Variants in SVEP1 observed in about 807,000 individuals in gnomAD.
The protein encoded by SVEP1 is sushi, von Willebrand factor type A, EGF and pentraxin domain containing 1, also known as sushi, von Willebrand factor type A, EGF and pentraxin domain-containing protein 1.
Under a neutral mutation model 367.3 loss-of-function variants are expected in SVEP1, and 164 were observed. The ratio of observed to expected loss-of-function variants is 0.45; its 90% confidence interval spans 0.39 to 0.51. The LOEUF (loss-of-function observed/expected upper bound fraction) is 0.51, where lower values mean the gene tolerates loss of function less well. SVEP1 is among the 20% of genes least tolerant of loss of function. The pLI, the probability that SVEP1 is intolerant of heterozygous loss-of-function variation, is 0.00. For synonymous variants in SVEP1, 1,666 were observed against 1,611.6 expected (o/e 1.03, Z -0.81); for missense variants, 4,117 against 4,425.3 (o/e 0.93, Z 1.98).
Position 110,430,408 on chromosome 9 carries a change from T to C in SVEP1, c.5396A>G (p.His1799Arg). 6.2e-7 allele frequency: 1 copy of C among 1,612,802 alleles called. No homozygotes were observed. Among genetic ancestry groups the C allele is most frequent in the Non-Finnish European group, 8.5e-7 (1 of 1,179,500 alleles). ...TACTGTATAAATCTCACCTGAGGAG[T>C]GGCCATTTTCCGGATTTCCTGGAGC... ...CKAPGNPENGHSSGEIYTVGA... is the reference protein window; with the variant it reads ...CKAPGNPENGRSSGEIYTVGA... The change falls in exon 33 of 48, where the codon CAC becomes CGC. Residue 1799 changes from histidine to arginine, a missense_variant. Physicochemically the swap from His to Arg is conservative, Grantham distance 29. Transcript: ENST00000374469.
rs140758088 is a variant in SVEP1 at position 110,485,394 on chromosome 9, GA to G, written c.1931-1702del. On this transcript the variant is annotated intron_variant, in intron 9 of 47. Coordinates refer to ENST00000374469, the MANE Select transcript of SVEP1 (RefSeq NM_153366.4). ...GGGAGTTGAACAATGAGAACACATGGAAACAGGGAGGGGAACAACACACACT... is the reference window on the plus strand; with the variant it reads ...GGGAGTTGAACAATGAGAACACATGGAACAGGGAGGGGAACAACACACACT... Among the ~76,000 whole-genome samples, 1,030 of 152,262 alleles carry G rather than the reference GA, an allele frequency of 6.8e-3. 11 individuals carry two copies. Among genetic ancestry groups the G allele is most frequent in the African/African-American group, 0.024 (978 of 41,542 alleles).
intron 1 of SVEP1, among the ~76,000 whole-genome samples, chr9:110,566,665 G>A (rs1056139691): frequency 1.3e-5 from 2 of 152,156 alleles, no homozygotes; most frequent in African/African-American, 4.8e-5. Flanking sequence ...AACTCCACCT[G>A]AGCCAAAAAG....
chr9:110,474,581 ACT>A (rs1395086164), intron 14 of SVEP1, among the ~76,000 whole-genome samples: 2 of 151,838 alleles, frequency 1.3e-5, no homozygotes, highest in Non-Finnish European at 2.9e-5. Flanking sequence ...ATGACAACTG[ACT>A]CTCTCTAGGT....
At chr9:110,560,716 T>G (rs1300502636) in intron 1 of SVEP1, among the ~76,000 whole-genome samples, 2 of 152,198 alleles carry the variant, frequency 1.3e-5, no homozygotes, top group Non-Finnish European at 2.9e-5. Context: ...CTTTCAAGTC[T>G]GAAATCTGGG....
chr9:110,518,983 C>T (rs1226144491), intron 3 of SVEP1, among the ~76,000 whole-genome samples: 1 of 152,160 alleles, frequency 6.6e-6, no homozygotes, highest in Non-Finnish European at 1.5e-5. Flanking sequence ...ACCTTCCCAC[C>T]TCTGCAGCTG....
intron 3 of SVEP1, among the ~76,000 whole-genome samples, chr9:110,531,727 G>A (rs562636917): frequency 6.6e-6 from 1 of 152,250 alleles, no homozygotes; most frequent in Admixed American, 6.5e-5. Context: ...TAATGGATTT[G>A]TTAAATAGCT....
Position 110,445,902 on chromosome 9 carries a change from T to G in SVEP1, c.4398A>C (p.Gly1466=), listed in dbSNP as rs950261929. ...WMKSSDDMNY[G]TPISYAVDNG... ...TATCAACTGCATAGGAGATTGGTGT[T>G]CCATAGTTCATGTCGTCAGAGGATT... is the stretch of plus-strand genomic sequence containing the variant. The change falls in exon 26 of 48, where the codon GGA becomes GGC. Residue 1466 remains glycine (G), a synonymous_variant. Transcript: ENST00000374469. 1 of 1,613,842 alleles carries G rather than the reference T, an allele frequency of 6.2e-7. No individual in the cohort carries two copies. The highest frequency in any genetic ancestry group is 1.3e-5 in the African/African-American group (1 of 74,922).
intron 27 of SVEP1, among the ~76,000 whole-genome samples, chr9:110,436,713 T>A (rs928096448): frequency 6.6e-6 from 1 of 152,212 alleles, no homozygotes; most frequent in African/African-American, 2.4e-5. Flanking sequence ...GGATTTAGAA[T>A]GTTGATTTAT....
At chr9:110,558,855 C>T (rs74556262) in intron 1 of SVEP1, among the ~76,000 whole-genome samples, 10,819 of 151,914 alleles carry the variant, frequency 0.071, 452 homozygotes, top group Non-Finnish European at 0.099. Context: ...TTAAAAGAAA[C>T]TTTCTCGTTT....
chr9:110,386,059 A>AC lies in SVEP1; in HGVS notation c.10075dup (p.Val3359GlyfsTer13). The AC allele has an allele frequency of 6.2e-7, 1 of 1,613,268 alleles. No homozygotes were observed. The stretch of plus-strand genomic sequence containing the variant: ...AGCATTCTCGGGAATCACAAAAGGA[A>AC]CAGGGCATGGATTTGCTGTCAAAAA... On this transcript the variant is annotated frameshift_variant, in exon 43 of 48. Transcript: ENST00000374469. LOFTEE classifies it high-confidence loss of function.
At chr9:110,568,592 CAAGA>C (rs1830518359) in intron 1 of SVEP1, among the ~76,000 whole-genome samples, 2 of 151,444 alleles carry the variant, frequency 1.3e-5, no homozygotes, top group Non-Finnish European at 2.9e-5. Flanking sequence ...CTCGAATGCA[CAAGA>C]AAGAAGGGAA....
chr9:110,514,606 T>C (rs1242662262), intron 3 of SVEP1, among the ~76,000 whole-genome samples: 1 of 152,108 alleles, frequency 6.6e-6, no homozygotes, highest in Non-Finnish European at 1.5e-5. Context: ...AAGAATGATG[T>C]AATTTGTTAT....
chr9:110,408,946 T>A lies in SVEP1; in HGVS notation c.6654A>T (p.Thr2218=). The part of the protein sequence containing the change: ...PKVENGFLEH[T]TGRIFESEVR... Reference sequence around the variant, plus strand: ...CTTCACTCTCAAAGATCCTGCCAGTTGTATGCTGTGCAACAGGAAGAAAGC... The same window carrying A: ...CTTCACTCTCAAAGATCCTGCCAGTAGTATGCTGTGCAACAGGAAGAAAGC... Residue 2218 remains threonine (T), a synonymous_variant, in exon 38 of 48, where the codon ACA becomes ACT. Transcript: ENST00000374469. 1 of 1,572,016 alleles carries A rather than the reference T, an allele frequency of 6.4e-7. No individual in the cohort carries two copies. The highest frequency in any genetic ancestry group is 8.6e-7 in the Non-Finnish European group (1 of 1,160,064).
chr9:110,465,011 G>A lies in SVEP1; in HGVS notation c.3322+854C>T, dbSNP rs779741920. ...CTGGAAAACATCCCTCAGTAGGGAT[G>A]TTAGTCAGAAATACTTAAAAATTGG... On this transcript the variant is annotated intron_variant, in intron 18 of 47. Transcript: ENST00000374469. 2.0e-5 allele frequency among the ~76,000 whole-genome samples: 3 copies of A among 152,078 alleles called. No homozygotes were observed. The South Asian group carries it at 6.2e-4, about 31-fold the overall frequency.
chr9:110,386,137 A>T, intron 42 of SVEP1, 63 bp from the exon 43 acceptor site: 1 of 1,549,808 alleles, frequency 6.5e-7, no homozygotes, highest in Non-Finnish European at 8.7e-7. Context: ...TATTTCTTTG[A>T]AGGTGGAGTA....
In SVEP1 at chr9:110,447,058, C is replaced by A; in HGVS notation, c.4104-1G>T. 1 of 1,479,464 alleles carries A rather than the reference C, an allele frequency of 6.8e-7. No homozygotes were observed. The highest frequency in any genetic ancestry group is 9.0e-7 in the Non-Finnish European group (1 of 1,116,660). The allele number at this position is 1,479,464 out of a possible 1,614,324, so 91.6% of individuals were successfully genotyped here. On this transcript the variant is annotated splice_acceptor_variant, in intron 24 of 47. Coordinates refer to ENST00000374469, the MANE Select transcript of SVEP1 (RefSeq NM_153366.4). LOFTEE classifies it high-confidence loss of function. ...TGTGAAGCCAGCTGCACACAGGCAT[C>A]TGAAAGAAAACAAAATGTTGTAACA...
Position 110,430,422 on chromosome 9 carries a change from A to G in SVEP1, c.5382T>C (p.Asn1794=). The change falls in exon 33 of 48, where the codon AAT becomes AAC. Residue 1794 remains asparagine, a synonymous_variant. Coordinates refer to ENST00000374469, the MANE Select transcript of SVEP1 (RefSeq NM_153366.4). ...CACCTGAGGAGTGGCCATTTTCCGG[A>G]TTTCCTGGAGCCTTACATTTTATAG... The part of the protein sequence containing the change: ...AEPIKCKAPG[N]PENGHSSGEI... The G allele has an allele frequency of 6.2e-7, 1 of 1,612,606 alleles. No individual in the cohort carries two copies.
In SVEP1 at chr9:110,406,217, A is replaced by T; in HGVS notation, c.9383T>A (p.Val3128Asp). 1 of 1,610,048 alleles carries T rather than the reference A, an allele frequency of 6.2e-7. No individual in the cohort carries two copies. The highest frequency in any genetic ancestry group is 8.5e-7 in the Non-Finnish European group (1 of 1,177,666). ...CTCTCCAGTTGCCACTGCATTGGCG[A>T]CAGACGGTGGGGACCCACAGGACAA... is the stretch of plus-strand genomic sequence containing the variant. ...EPLSCGSPPSVANAVATGEAH... is the reference protein window; with the variant it reads ...EPLSCGSPPSDANAVATGEAH... The change falls in exon 38 of 48, where the codon GTC (valine) becomes GAC (aspartate). Residue 3128 changes from valine to aspartate, a missense_variant. Val to Asp is a radical substitution (Grantham distance 152). Transcript: ENST00000374469.
Position 110,579,096 on chromosome 9 carries a change from A to C in SVEP1, c.448T>G (p.Cys150Gly). 1 of 1,552,676 alleles carries C rather than the reference A, an allele frequency of 6.4e-7. No homozygotes were observed. The highest frequency in any genetic ancestry group is 8.7e-7 in the Non-Finnish European group (1 of 1,148,340). ...ISTRRARQHK[C>G]ALLLQEIPAI... ...GGGATCTCTTGGAGGAGCAGCGCGC[A>C]CTTGTGCTGGCGCGCGCGGCGGGTG... The change falls in exon 1 of 48, where the codon TGC (cysteine) becomes GGC (glycine). Residue 150 changes from cysteine (C) to glycine (G), a missense_variant. This residue lies in a region of SVEP1 where 2,174 missense variants were observed against 2,494.3 expected (regional missense o/e 0.87). Coordinates refer to ENST00000374469, the MANE Select transcript of SVEP1 (RefSeq NM_153366.4). The surrounding 1 kb of genome is among the most constrained non-coding windows in gnomAD (Gnocchi z 5.3).
Sources: gnomAD v4.1 joint callset for allele counts (sites outside exome capture counted in the v4.1 genomes callset) on GRCh38, gnomAD v4.1.1 for gene constraint, gnomAD v4.1.1 regional missense constraint, Gnocchi (gnomAD v3.1) non-coding constraint, MANE v1.5 for transcripts, NCBI Gene and HGNC (gene_info 2026-07-23, HGNC 2026-07-21) for gene names.